Variants in POU2F1 observed in about 807,000 individuals in gnomAD.
The protein encoded by POU2F1 is POU class 2 homeobox 1, also known as POU domain, class 2, transcription factor 1.
Under a neutral mutation model 84.9 loss-of-function variants are expected in POU2F1, and 16 were observed. The ratio of observed to expected loss-of-function variants is 0.19; its 90% CI spans 0.13 to 0.29. The LOEUF (loss-of-function observed/expected upper bound fraction) is 0.29. Ranked by LOEUF, POU2F1 falls within the 10% of genes least tolerant of loss-of-function variation. The pLI is 1.00. For missense variants in POU2F1, 738 were observed against 942.6 expected (o/e 0.78, Z 2.84); for synonymous variants, 368 against 368.3 (o/e 1.00, Z 0.01).
intron 1 of POU2F1, among the ~76,000 whole-genome samples, chr1:167,276,450 G>C (rs897127572): frequency 2.6e-5 from 4 of 151,574 alleles, no homozygotes; most frequent in African/African-American, 9.7e-5. Flanking sequence ...TTAATCATAG[G>C]TATATATATA....
chr1:167,282,319 A>G (rs1653209017), intron 1 of POU2F1, among the ~76,000 whole-genome samples: 1 of 151,292 alleles, frequency 6.6e-6, no homozygotes, highest in Admixed American at 6.6e-5. Context: ...AATTTTTTGT[A>G]TTTTTTAGTA....
intron 1 of POU2F1, among the ~76,000 whole-genome samples, chr1:167,314,809 A>C (rs1655763730): frequency 6.6e-6 from 1 of 152,094 alleles, no homozygotes; most frequent in Admixed American, 6.6e-5. Flanking sequence ...AACCTAATAC[A>C]CATAGAGTTT....
chr1:167,387,530 T>G (rs1648069680), intron 8 of POU2F1, among the ~76,000 whole-genome samples: 1 of 152,270 alleles, frequency 6.6e-6, no homozygotes, highest in African/African-American at 2.4e-5. Context: ...GTCGCCTGTG[T>G]AATGCTTATT....
At chr1:167,227,559 G>A (rs1648731225) in intron 1 of POU2F1, among the ~76,000 whole-genome samples, 1 of 152,122 alleles carries the variant, frequency 6.6e-6, no homozygotes, top group African/African-American at 2.4e-5. Context: ...TATTTTAGTG[G>A]TCTGCTTAAT....
At chr1:167,389,846 T>C (rs1648267290) in intron 9 of POU2F1, 85 bp downstream of exon 9, 3 of 1,459,364 alleles carry the variant, frequency 2.1e-6, no homozygotes, top group South Asian at 2.5e-5. Flanking sequence ...ATTCCACATC[T>C]GTGGATTCAA....
intron 1 of POU2F1, chr1:167,329,262 T>C: frequency 1.3e-6 from 2 of 1,548,232 alleles, no homozygotes; most frequent in South Asian, 1.2e-5. Context: ...TCTGCTCCTC[T>C]AGAAGATTTC....
chr1:167,396,381 C>T lies in POU2F1; in HGVS notation c.1083C>T (p.Asn361=), dbSNP rs1648809318. Residue 361 remains asparagine, a synonymous_variant, in exon 10 of 16, where the codon AAC becomes AAT. Coordinates refer to ENST00000367866, the MANE Select transcript of POU2F1 (RefSeq NM_002697.4). ...AAGCCTTGAACCTCAGCTTTAAGAA[C>T]ATGTGCAAGTTGAAGCCACTTTTAG... The part of the protein sequence containing the change: ...RFEALNLSFK[N]MCKLKPLLEK... 5 of 1,614,074 alleles carry T rather than the reference C, an allele frequency of 3.1e-6. No individual in the cohort carries two copies. The highest frequency in any genetic ancestry group is 4.2e-6 in the Non-Finnish European group (5 of 1,179,950).
At chr1:167,389,833 T>C (rs993860165) in intron 9 of POU2F1, 72 bp downstream of exon 9, 19 of 1,505,698 alleles carry the variant, frequency 1.3e-5, no homozygotes, top group Non-Finnish European at 1.5e-5. Context: ...TCTGTATTCA[T>C]GGATTCCACA....
At chr1:167,231,002 C>T (rs946065463) in intron 1 of POU2F1, among the ~76,000 whole-genome samples, 3 of 152,204 alleles carry the variant, frequency 2.0e-5, no homozygotes, top group African/African-American at 4.8e-5. Context: ...TTACTTGTTG[C>T]ACTTCAAGAT....
chr1:167,284,138 A>G (rs73022208), intron 1 of POU2F1, among the ~76,000 whole-genome samples: 3,033 of 152,236 alleles, frequency 0.02, 95 homozygotes, highest in African/African-American at 0.069. Context: ...TATTTCCTTA[A>G]TGATTCAACT....
chr1:167,417,748 G>A lies in POU2F1; in HGVS notation c.*1938G>A, dbSNP rs576361819. 4 of 152,274 alleles carry A rather than the reference G, an allele frequency of 2.6e-5. No individual in the cohort carries two copies. Among genetic ancestry groups the A allele is most frequent in the Non-Finnish European group, 4.4e-5 (3 of 68,034 alleles). 9.4% of individuals were successfully genotyped at this position (152,274 alleles called of 1,614,324 possible). A position where few individuals can be genotyped will look rare whatever the true frequency, so the allele number is the denominator to read the frequency against. On this transcript the variant is annotated 3_prime_UTR_variant, in exon 16 of 16. Transcript: ENST00000367866. ...ATTGCTTTTGTTTGTGTCCACAAGG[G>A]AGCTTGGATTCTGTGTACTTGTCTC...
intron 1 of POU2F1, among the ~76,000 whole-genome samples, chr1:167,260,108 G>A: frequency 6.6e-6 from 1 of 152,142 alleles, no homozygotes; most frequent in East Asian, 1.9e-4. Flanking sequence ...TCGATCTCCT[G>A]ACCTCGTGAT....
intron 2 of POU2F1, among the ~76,000 whole-genome samples, chr1:167,358,716 C>CTTT (rs1197814755): frequency 2.1e-4 from 8 of 38,348 alleles, no homozygotes; most frequent in African/African-American, 3.6e-4. Context: ...TTATCTGCAG[C>CTTT]TTTTTTTTTT....
intron 1 of POU2F1, among the ~76,000 whole-genome samples, chr1:167,242,127 A>T (rs982959062): frequency 3.3e-5 from 5 of 152,234 alleles, no homozygotes; most frequent in African/African-American, 9.6e-5. Flanking sequence ...ATGATGAAGC[A>T]TCCAAGTGCT....
intron 1 of POU2F1, among the ~76,000 whole-genome samples, chr1:167,233,873 C>T (rs1431616010): frequency 6.6e-6 from 1 of 152,180 alleles, no homozygotes; most frequent in Non-Finnish European, 1.5e-5. Flanking sequence ...ACATTGATTC[C>T]TAGTAACAAC....
rs916118542 is a variant in POU2F1, at chr1:167,419,608, C to G, written c.*3798C>G. 3 of 152,088 alleles carry G rather than the reference C, an allele frequency of 2.0e-5. No homozygotes were observed. The highest frequency in any genetic ancestry group is 4.4e-5 in the Non-Finnish European group (3 of 67,982). The allele number at this position is 152,088 out of a possible 1,614,324, so 9.4% of individuals were successfully genotyped here. A position where few individuals can be genotyped will look rare whatever the true frequency, so the allele number is the denominator to read the frequency against. On this transcript the variant is annotated 3_prime_UTR_variant, in exon 16 of 16. Transcript: ENST00000367866. ...ACAGGAACAATATTACTATGTTGTT[C>G]TAAGAAAAAATAAGTTGAGTGCTGT...
rs545623743 is a variant in POU2F1 at position 167,369,794 on chromosome 1, TTA to T, written c.229-363_229-362del. Among the ~76,000 whole-genome samples the T allele has an allele frequency of 3.2e-3, 480 of 152,330 alleles. 2 individuals are homozygous for T. Among genetic ancestry groups the T allele is most frequent in the African/African-American group, 0.011 (451 of 41,580 alleles). On this transcript the variant is annotated intron_variant, in intron 3 of 15. Coordinates refer to ENST00000367866, the MANE Select transcript of POU2F1 (RefSeq NM_002697.4). ...ATAATAAAGAATGTATATAGATAGC[TTA>T]TATGTTCTTTAACACAATGTGGAAG... is the stretch of plus-strand genomic sequence containing the variant.
chr1:167,268,104 T>C (rs542276608), intron 1 of POU2F1, among the ~76,000 whole-genome samples: 54 of 152,270 alleles, frequency 3.5e-4, no homozygotes, highest in African/African-American at 1.2e-3. Flanking sequence ...GTTCTGCTTG[T>C]AGAATGTTAT....
chr1:167,402,392 A>G (rs1010638747), intron 13 of POU2F1, among the ~76,000 whole-genome samples: 2 of 152,332 alleles, frequency 1.3e-5, no homozygotes, highest in East Asian at 3.9e-4. Flanking sequence ...TGACCTACCC[A>G]TGATGTAAAA....
Sources: allele counts gnomAD v4.1 joint callset (sites outside exome capture counted in the v4.1 genomes callset), GRCh38; gene constraint gnomAD v4.1.1; transcripts MANE v1.5; gene names NCBI Gene and HGNC (gene_info 2026-07-23, HGNC 2026-07-21).